CRTC1: variants seen among roughly 807,000 people sequenced by gnomAD.
CRTC1 encodes the protein CREB-regulated transcription coactivator 1.
In CRTC1, 18 loss-of-function variants were observed where a neutral mutation model predicts 66.1. The ratio of observed to expected loss-of-function variants is 0.27; its 90% CI spans 0.19 to 0.40. CRTC1 has a LOEUF of 0.40. Among genes scored for constraint, CRTC1 ranks in the 10% least tolerant of loss-of-function variants. The pLI is 1.00. For missense variants in CRTC1, 669 were observed against 887.9 expected (o/e 0.75, Z 3.13); for synonymous variants, 416 against 398.8 (o/e 1.04, Z -0.51).
chr19:18,763,038 C>T (rs902448057), intron 8 of CRTC1, among the ~76,000 whole-genome samples: 2 of 152,230 alleles, frequency 1.3e-5, no homozygotes, highest in African/African-American at 4.8e-5. Context: ...TCTTACTGCT[C>T]CTTTTCTAGG....
chr19:18,721,182 C>A (rs1055486999), intron 1 of CRTC1, among the ~76,000 whole-genome samples: 1 of 148,720 alleles, frequency 6.7e-6, no homozygotes, highest in African/African-American at 2.5e-5. Flanking sequence ...TACCCTACTC[C>A]AGTTCAACCT....
At chr19:18,695,302 G>T (rs890275070) in intron 1 of CRTC1, among the ~76,000 whole-genome samples, 1 of 152,126 alleles carries the variant, frequency 6.6e-6, no homozygotes, top group Non-Finnish European at 1.5e-5. Flanking sequence ...ACTGCGCCCG[G>T]CCTGGGGATT....
rs149900769 is a variant in CRTC1, at chr19:18,777,190, C to G, written c.1713C>G (p.Pro571=). The change falls in exon 14 of 14, where the codon CCC becomes CCG. Residue 571 remains proline (P), a synonymous_variant. Coordinates refer to ENST00000321949, the MANE Select transcript of CRTC1 (RefSeq NM_015321.3). The surrounding 1 kb of genome is among the most constrained non-coding windows in gnomAD (Gnocchi z 5.5). ...IILTVTGESP[P]SLSKELTSSL... ...CCCCAGTGACAGGAGAGTCCCCCCC[C>G]AGCCTCTCTAAAGAACTGACCAGCT... 2 of 1,601,586 alleles carry G rather than the reference C, an allele frequency of 1.2e-6. No homozygotes were observed. The highest frequency in any genetic ancestry group is 1.7e-6 in the Non-Finnish European group (2 of 1,172,276).
rs1411854087 is a variant in CRTC1, at chr19:18,724,241, G to A, written c.127-18669G>A. On this transcript the variant is annotated intron_variant, in intron 1 of 13. Coordinates refer to ENST00000321949, the MANE Select transcript of CRTC1 (RefSeq NM_015321.3). ...CTGATCAGTCTGTGGGGTGGGGTGT[G>A]TGGGTGCGTGGGGTGTTGTTCTCTG... Among the ~76,000 whole-genome samples the A allele has an allele frequency of 2.0e-5, 3 of 152,066 alleles. No individual in the cohort carries two copies. In the East Asian group the frequency reaches 5.8e-4, roughly 29 times the overall value.
intron 1 of CRTC1, among the ~76,000 whole-genome samples, chr19:18,740,784 A>G (rs1459685511): frequency 6.6e-6 from 1 of 152,096 alleles, no homozygotes; most frequent in Admixed American, 6.6e-5. Context: ...CGGGTGGATC[A>G]CTTGAGGTCA....
In CRTC1 at chr19:18,778,022, A is replaced by G. The variant is rs1172441893; in HGVS notation, c.*640A>G. 1.3e-5 allele frequency: 3 copies of G among 235,266 alleles called. No individual in the cohort carries two copies. The highest frequency in any genetic ancestry group is 2.5e-5 in the Non-Finnish European group (3 of 119,760). The allele number at this position is 235,266 out of a possible 1,614,324, so 14.6% of individuals were successfully genotyped here. A position where few individuals can be genotyped will look rare whatever the true frequency, so the allele number is the denominator to read the frequency against. On this transcript the variant is annotated 3_prime_UTR_variant, in exon 14 of 14. Transcript: ENST00000321949. ...GGGGCAGGCGCAAAGTGGACAGAGC[A>G]TGCAGGGCGGCGGACCCCCCCACGA...
At chr19:18,752,707 G>A (rs1159886754) in intron 5 of CRTC1, among the ~76,000 whole-genome samples, 2 of 150,456 alleles carry the variant, frequency 1.3e-5, no homozygotes, top group South Asian at 4.2e-4. Flanking sequence ...ATGGCGTGAT[G>A]TCAGCTCACT....
At chr19:18,739,523 C>G (rs2054068172) in intron 1 of CRTC1, among the ~76,000 whole-genome samples, 1 of 152,248 alleles carries the variant, frequency 6.6e-6, no homozygotes, top group African/African-American at 2.4e-5. Context: ...CACCCCCTCA[C>G]ATCTTTGTTC....
chr19:18,775,080 C>T (rs2054955055), intron 12 of CRTC1, 94 bp downstream of exon 12: 17 of 1,277,994 alleles, frequency 1.3e-5, no homozygotes, highest in Non-Finnish European at 1.9e-5. Flanking sequence ...GTCAGAGCTG[C>T]ACGTGCTCGG....
chr19:18,749,921 C>A (rs1201692752), intron 5 of CRTC1, 46 bp downstream of exon 5: 1 of 1,469,104 alleles, frequency 6.8e-7, no homozygotes, highest in Non-Finnish European at 9.5e-7. Flanking sequence ...GAGGCAAGTC[C>A]AGCAGGTAAC....
Position 18,695,866 on chromosome 19 carries a change from AAAAC to A in CRTC1, c.126+12058_126+12061del, listed in dbSNP as rs575316290. ...GGCGACAGAGTGAGACTTCATCTCA[AAAAC>A]AAACAAACAAACAAACAAAAACACT... On this transcript the variant is annotated intron_variant, in intron 1 of 13. Coordinates refer to ENST00000321949, the MANE Select transcript of CRTC1 (RefSeq NM_015321.3). 2.5e-3 allele frequency among the ~76,000 whole-genome samples: 386 copies of A among 152,218 alleles called. 1 individual carries two copies. The highest frequency in any genetic ancestry group is 8.2e-3 in the African/African-American group (340 of 41,534).
At chr19:18,714,905 C>T (rs1039464633) in intron 1 of CRTC1, among the ~76,000 whole-genome samples, 1 of 152,272 alleles carries the variant, frequency 6.6e-6, no homozygotes, top group Non-Finnish European at 1.5e-5. Flanking sequence ...CTGGGGCCTG[C>T]AGTTCCCAGC....
In CRTC1 at chr19:18,774,935, G is replaced by A. The variant is rs775882136; in HGVS notation, c.1461G>A (p.Ala487=). The part of the protein sequence containing the change: ...TSTLGSVFGD[A]YYEQQMAARQ... Reference sequence around the variant, plus strand: ...CCCTGGGCAGCGTGTTTGGGGACGCGTACTATGAGCAGCAGATGGCGGCCA... The same window carrying A: ...CCCTGGGCAGCGTGTTTGGGGACGCATACTATGAGCAGCAGATGGCGGCCA... The change falls in exon 12 of 14, where the codon GCG becomes GCA. Residue 487 remains alanine (A), a synonymous_variant. Transcript: ENST00000321949. 4.0e-5 allele frequency: 64 copies of A among 1,610,308 alleles called. No homozygotes were observed. The highest frequency in any genetic ancestry group is 5.3e-5 in the African/African-American group (4 of 74,942).
chr19:18,694,562 A>T (rs1174845340), intron 1 of CRTC1, among the ~76,000 whole-genome samples: 2 of 152,184 alleles, frequency 1.3e-5, no homozygotes, highest in South Asian at 2.1e-4. Flanking sequence ...CCCCCTGAGT[A>T]GCTGGGACCA....
intron 1 of CRTC1, among the ~76,000 whole-genome samples, chr19:18,717,204 G>A (rs2053528931): frequency 6.6e-6 from 1 of 151,974 alleles, no homozygotes; most frequent in African/African-American, 2.4e-5. Context: ...AGGGGTGATG[G>A]TGGCACTCCC....
intron 1 of CRTC1, among the ~76,000 whole-genome samples, chr19:18,694,135 GA>G (rs56040700): frequency 1.9e-3 from 242 of 125,278 alleles, no homozygotes; most frequent in East Asian, 0.014. Flanking sequence ...CTCCGTCTCA[GA>G]AAAAAAAAAA....
chr19:18,716,274 A>G (rs2053505511), intron 1 of CRTC1, among the ~76,000 whole-genome samples: 1 of 148,394 alleles, frequency 6.7e-6, no homozygotes, highest in African/African-American at 2.5e-5. Flanking sequence ...TTTTTTTGAG[A>G]CGCAATCTTG....
chr19:18,758,252 C>T (rs1206248852), intron 6 of CRTC1, among the ~76,000 whole-genome samples: 3 of 149,334 alleles, frequency 2.0e-5, no homozygotes, highest in Admixed American at 1.3e-4. Flanking sequence ...CCCAGCTACG[C>T]GAGACACTGA....
chr19:18,773,841 AC>A (rs1027169169), intron 11 of CRTC1, among the ~76,000 whole-genome samples: 8 of 151,908 alleles, frequency 5.3e-5, no homozygotes, highest in Non-Finnish European at 8.8e-5. Context: ...ACCAGGAGCA[AC>A]TGGTGGGTTT....
Sources: allele counts gnomAD v4.1 joint callset (sites outside exome capture counted in the v4.1 genomes callset), GRCh38; gene constraint gnomAD v4.1.1; non-coding constraint Gnocchi (gnomAD v3.1); transcripts MANE v1.5; gene names NCBI Gene and HGNC (gene_info 2026-07-23, HGNC 2026-07-21).